Variants in KHDRBS2 observed in about 807,000 individuals in gnomAD.
KHDRBS2 encodes KH RNA binding domain containing, signal transduction associated 2.
In KHDRBS2, 26 loss-of-function variants were observed where a neutral mutation model predicts 44.3. That is an observed-to-expected ratio of 0.59 (90% CI 0.43 to 0.81). The LOEUF is 0.81. Ranked by LOEUF, KHDRBS2 falls within the 40% of genes least tolerant of loss-of-function variation. The pLI, the probability that KHDRBS2 is intolerant of heterozygous loss-of-function variation, is 0.00. For synonymous variants in KHDRBS2, 194 were observed against 151.1 expected (o/e 1.28, Z -2.08); for missense variants, 476 against 433.1 (o/e 1.10, Z -0.88).
chr6:61,697,566 G>A (rs1057153304), intron 7 of KHDRBS2, among the ~76,000 whole-genome samples: 13 of 151,850 alleles, frequency 8.6e-5, no homozygotes, highest in Non-Finnish European at 1.9e-4. Flanking sequence ...CTATTTCCAA[G>A]AAAAAGTGCT....
intron 6 of KHDRBS2, among the ~76,000 whole-genome samples, chr6:61,797,748 T>C (rs1406635495): frequency 7.3e-5 from 11 of 151,620 alleles, no homozygotes; most frequent in African/African-American, 2.7e-4. Flanking sequence ...TGTGTGTGTG[T>C]GTGTGTGTGT....
intron 1 of KHDRBS2, among the ~76,000 whole-genome samples, chr6:62,225,672 A>G (rs1831655664): frequency 6.6e-6 from 1 of 152,002 alleles, no homozygotes; most frequent in African/African-American, 2.4e-5. Context: ...ATTTTTTGTA[A>G]TGCTTTCCTT....
intron 2 of KHDRBS2, among the ~76,000 whole-genome samples, chr6:62,108,420 T>A (rs1455265370): frequency 6.6e-6 from 1 of 152,158 alleles, no homozygotes. Flanking sequence ...CCAGTTAGAA[T>A]GGCGATCATT....
intron 7 of KHDRBS2, among the ~76,000 whole-genome samples, chr6:61,701,999 C>T (rs902348230): frequency 1.3e-5 from 2 of 151,858 alleles, no homozygotes; most frequent in Non-Finnish European, 2.9e-5. Context: ...GGACTGGTTG[C>T]AGTAATTGGA....
intron 4 of KHDRBS2, among the ~76,000 whole-genome samples, chr6:61,915,754 A>G (rs1806880490): frequency 6.6e-6 from 1 of 152,062 alleles, no homozygotes; most frequent in Non-Finnish European, 1.5e-5. Flanking sequence ...AAAGAGTTTT[A>G]TGCTTTGGTT....
At chr6:62,251,324 C>T (rs973380799) in intron 1 of KHDRBS2, among the ~76,000 whole-genome samples, 3 of 151,742 alleles carry the variant, frequency 2.0e-5, no homozygotes, top group Admixed American at 2.0e-4. Context: ...GTTATATCTT[C>T]AAATGGCTAA....
At chr6:62,176,822 A>G (rs1261291910) in intron 2 of KHDRBS2, among the ~76,000 whole-genome samples, 1 of 151,356 alleles carries the variant, frequency 6.6e-6, no homozygotes, top group Non-Finnish European at 1.5e-5. Flanking sequence ...TTACATATTT[A>G]GTATTATTAA....
chr6:61,694,943 G>A (rs763529494), intron 8 of KHDRBS2, among the ~76,000 whole-genome samples: 6 of 152,110 alleles, frequency 3.9e-5, no homozygotes, highest in Non-Finnish European at 7.3e-5. Flanking sequence ...AGGTTAATTT[G>A]ATTAGTGCTA....
At chr6:62,229,086 T>C (rs1832430566) in intron 1 of KHDRBS2, among the ~76,000 whole-genome samples, 1 of 152,142 alleles carries the variant, frequency 6.6e-6, no homozygotes, top group Non-Finnish European at 1.5e-5. Context: ...GCTGCCTGAA[T>C]TCCTCAGAAT....
intron 3 of KHDRBS2, among the ~76,000 whole-genome samples, chr6:61,993,668 T>C (rs1366944267): frequency 8.2e-6 from 1 of 122,668 alleles, no homozygotes; most frequent in East Asian, 2.5e-4. Context: ...TATATATATA[T>C]ATATATTTTT....
At chr6:62,265,620 A>G (rs2150184580) in intron 1 of KHDRBS2, among the ~76,000 whole-genome samples, 1 of 152,176 alleles carries the variant, frequency 6.6e-6, no homozygotes, top group South Asian at 2.1e-4. Flanking sequence ...AACCAACCCC[A>G]AAGCCTATAA....
At chr6:61,881,713 C>T (rs1322022013) in intron 6 of KHDRBS2, among the ~76,000 whole-genome samples, 11 of 151,898 alleles carry the variant, frequency 7.2e-5, no homozygotes, top group African/African-American at 2.4e-4. Context: ...GTTGGGAACA[C>T]CTGTAATGCT....
chr6:61,829,149 G>A (rs1791388618), intron 6 of KHDRBS2, among the ~76,000 whole-genome samples: 1 of 152,144 alleles, frequency 6.6e-6, no homozygotes, highest in Non-Finnish European at 1.5e-5. Flanking sequence ...GTGTAGTTGG[G>A]ATTGAGAATT....
At chr6:62,077,046 T>G (rs1796481797) in intron 2 of KHDRBS2, among the ~76,000 whole-genome samples, 1 of 151,792 alleles carries the variant, frequency 6.6e-6, no homozygotes, top group Non-Finnish European at 1.5e-5. Flanking sequence ...ATCCTACATC[T>G]AAAAAAATAT....
At chr6:62,172,670 T>A (rs1406086307) in intron 2 of KHDRBS2, among the ~76,000 whole-genome samples, 3 of 129,868 alleles carry the variant, frequency 2.3e-5, no homozygotes, top group African/African-American at 8.5e-5. Context: ...GACCACACAA[T>A]TGGCCATAAA....
intron 4 of KHDRBS2, among the ~76,000 whole-genome samples, chr6:61,923,697 T>C (rs1372120188): frequency 6.6e-6 from 1 of 152,128 alleles, no homozygotes; most frequent in Admixed American, 6.6e-5. Context: ...ACAGTCATTA[T>C]GAAAAACCAA....
chr6:61,545,261 C>G, the KHDRBS2 span, among the ~76,000 whole-genome samples: 1 of 151,900 alleles, frequency 6.6e-6, no homozygotes, highest in Non-Finnish European at 1.5e-5. Flanking sequence ...GCCTGGGTAA[C>G]AAAGTGAGAC....
intron 6 of KHDRBS2, among the ~76,000 whole-genome samples, chr6:61,887,396 G>A (rs765493683): frequency 6.6e-6 from 1 of 152,080 alleles, no homozygotes; most frequent in Non-Finnish European, 1.5e-5. Flanking sequence ...TCATGAAGAT[G>A]GATCTGTAAA....
chr6:62,152,183 G>A (rs143025424), intron 2 of KHDRBS2, among the ~76,000 whole-genome samples: 2,965 of 152,172 alleles, frequency 0.019, 69 homozygotes, highest in African/African-American at 0.064. Flanking sequence ...GCCGGGTGTG[G>A]TGGTACATGC....
Sources: gnomAD v4.1 joint callset for allele counts (sites outside exome capture counted in the v4.1 genomes callset) on GRCh38, gnomAD v4.1.1 for gene constraint, MANE v1.5 for transcripts, NCBI Gene and HGNC (gene_info 2026-07-23, HGNC 2026-07-21) for gene names.